The following ZNF385D variants were observed in gnomAD, a reference collection of about 807,000 sequenced individuals.
ZNF385D encodes the protein zinc finger protein 659.
ZNF385D carries 15 observed loss-of-function variants against 35.8 expected under a neutral mutation model. The observed-to-expected ratio is 0.42, with a 90% CI of 0.28 to 0.64. The LOEUF is 0.64. Among genes scored for constraint, ZNF385D ranks in the 30% least tolerant of loss-of-function variants. ZNF385D has a pLI of 0.23. For synonymous variants in ZNF385D, 212 were observed against 186.8 expected (o/e 1.13, Z -1.10); for missense variants, 474 against 494.6 (o/e 0.96, Z 0.39).
intron 2 of ZNF385D, among the ~76,000 whole-genome samples, chr3:21,614,274 G>A (rs183625107): frequency 6.6e-6 from 1 of 152,202 alleles, no homozygotes; most frequent in African/African-American, 2.4e-5. Flanking sequence ...TAACCTCTGT[G>A]TGTTCAGGAG....
At chr3:21,971,010 C>T (rs1703220210) in intron 3 of ZNF385D, among the ~76,000 whole-genome samples, 1 of 151,846 alleles carries the variant, frequency 6.6e-6, no homozygotes, top group Admixed American at 6.6e-5. Context: ...GTTTTCCAGA[C>T]AATCAAAAGC....
At chr3:22,100,098 G>A (rs1256189401) in intron 3 of ZNF385D, among the ~76,000 whole-genome samples, 16 of 148,554 alleles carry the variant, frequency 1.1e-4, no homozygotes, top group African/African-American at 3.8e-4. Context: ...ACCATCACTG[G>A]CCATCAGAGA....
At chr3:21,897,398 G>T (rs902000189) in intron 3 of ZNF385D, among the ~76,000 whole-genome samples, 2 of 152,152 alleles carry the variant, frequency 1.3e-5, no homozygotes, top group African/African-American at 4.8e-5. Context: ...AGTATCCGTA[G>T]TCTCATGACT....
At position 22,188,800 on chromosome 3, in the gene ZNF385D, A is replaced by T. The variant is rs181065553; in HGVS notation, c.107-19765T>A. On this transcript the variant is annotated intron_variant, in intron 2 of 5. Coordinates refer to the ZNF385D transcript ENST00000494108. ...CAAATATCTAGAGAAATATCTTCTC[A>T]TGGTATTAGGAACTTTTTGCTTTTA... 6.4e-4 allele frequency among the ~76,000 whole-genome samples: 98 copies of T among 152,304 alleles called. No homozygotes were observed. In the East Asian group the frequency reaches 0.014, roughly 22 times the overall value.
chr3:22,241,281 T>C (rs955293565), intron 2 of ZNF385D, among the ~76,000 whole-genome samples: 3 of 151,184 alleles, frequency 2.0e-5, no homozygotes, highest in Non-Finnish European at 4.4e-5. Flanking sequence ...AAGACTTTGG[T>C]CTTCACAAAT....
chr3:21,515,394 C>A (rs1983039), intron 3 of ZNF385D, among the ~76,000 whole-genome samples: 89,835 of 152,036 alleles, frequency 0.59, 26,594 homozygotes, highest in East Asian at 0.68. Flanking sequence ...ATCCAATAAC[C>A]ATAACCAATT....
chr3:21,836,904 T>C (rs1392696027), intron 3 of ZNF385D, among the ~76,000 whole-genome samples: 2 of 152,078 alleles, frequency 1.3e-5, no homozygotes, highest in Non-Finnish European at 2.9e-5. Context: ...TCATTTGGCT[T>C]ATTCCACTCT....
intron 3 of ZNF385D, among the ~76,000 whole-genome samples, chr3:21,773,136 G>T (rs950124679): frequency 1.3e-5 from 2 of 151,870 alleles, no homozygotes; most frequent in Middle Eastern, 3.4e-3. Flanking sequence ...AGGTGGTAAT[G>T]GTTGCACAAC....
Position 21,529,871 on chromosome 3 carries a change from A to G in ZNF385D, c.277-18848T>C, listed in dbSNP as rs1180797166. On this transcript the variant is annotated intron_variant, in intron 3 of 7. Coordinates refer to ENST00000281523, the MANE Select transcript of ZNF385D (RefSeq NM_024697.3). ...TCCATATCTCAGTTTCTTCATTTGA[A>G]AAATTATTGCAGAAAAAGTGATATG... Among the ~76,000 whole-genome samples, 3 of 152,162 alleles carry G rather than the reference A, an allele frequency of 2.0e-5. No individual in the cohort carries two copies. The East Asian group carries it at 5.8e-4, about 29-fold the overall frequency.
chr3:22,092,190 C>G (rs1399096580), intron 3 of ZNF385D, among the ~76,000 whole-genome samples: 1 of 152,146 alleles, frequency 6.6e-6, no homozygotes, highest in African/African-American at 2.4e-5. Flanking sequence ...TTATTTCTGA[C>G]AGTGGGGCTG....
intron 3 of ZNF385D, among the ~76,000 whole-genome samples, chr3:21,799,394 GC>G (rs1199591641): frequency 6.6e-6 from 1 of 152,158 alleles, no homozygotes; most frequent in African/African-American, 2.4e-5. Flanking sequence ...CAATGTGTAA[GC>G]GTTCCAGTTT....
chr3:21,778,249 T>C (rs2071363952), intron 3 of ZNF385D, among the ~76,000 whole-genome samples: 1 of 151,908 alleles, frequency 6.6e-6, no homozygotes, highest in Non-Finnish European at 1.5e-5. Context: ...TGCCTCTCAC[T>C]GGAAGCATTT....
intron 3 of ZNF385D, among the ~76,000 whole-genome samples, chr3:22,125,504 A>G (rs1476290797): frequency 1.3e-5 from 2 of 152,130 alleles, no homozygotes; most frequent in African/African-American, 4.8e-5. Flanking sequence ...TGCTTTGAAT[A>G]GTATGAACAT....
At chr3:22,322,320 T>C (rs922314039) in intron 2 of ZNF385D, among the ~76,000 whole-genome samples, 1 of 152,170 alleles carries the variant, frequency 6.6e-6, no homozygotes, top group African/African-American at 2.4e-5. Flanking sequence ...TATCCTCAAA[T>C]ATATTTTTTT....
At chr3:21,877,919 G>C (rs1449965215) in intron 3 of ZNF385D, 1 of 151,894 alleles carries the variant, frequency 6.6e-6, no homozygotes, top group Non-Finnish European at 1.5e-5. Flanking sequence ...TATTTTATGT[G>C]TTGATATACT....
intron 2 of ZNF385D, among the ~76,000 whole-genome samples, chr3:22,328,910 C>A (rs746627698): frequency 1.4e-4 from 21 of 151,166 alleles, no homozygotes; most frequent in South Asian, 4.1e-4. Flanking sequence ...CCCGTCTCTA[C>A]TAAAAATACA....
At chr3:22,093,805 T>G (rs1406138677) in intron 3 of ZNF385D, among the ~76,000 whole-genome samples, 1 of 152,182 alleles carries the variant, frequency 6.6e-6, no homozygotes, top group African/African-American at 2.4e-5. Flanking sequence ...TCCATATTAA[T>G]AGGGATTCCA....
intron 3 of ZNF385D, among the ~76,000 whole-genome samples, chr3:21,964,434 A>AAAAAG (rs1702776079): frequency 2.2e-5 from 1 of 46,046 alleles, no homozygotes; most frequent in Non-Finnish European, 3.4e-5. Flanking sequence ...AAAAAAAAAG[A>AAAAAG]AAAAAAAAAA....
intron 3 of ZNF385D, among the ~76,000 whole-genome samples, chr3:22,116,011 T>C (rs898986619): frequency 6.6e-6 from 1 of 152,022 alleles, no homozygotes; most frequent in African/African-American, 2.4e-5. Flanking sequence ...AACTTTTACA[T>C]CTCAGAAGCA....
Sources: gnomAD v4.1 joint callset for allele counts (sites outside exome capture counted in the v4.1 genomes callset) on GRCh38, gnomAD v4.1.1 for gene constraint, MANE v1.5 for transcripts, NCBI Gene and HGNC (gene_info 2026-07-23, HGNC 2026-07-21) for gene names.